BTBD8: variants seen among roughly 807,000 people sequenced by gnomAD.
BTBD8 encodes BTB/POZ domain-containing protein 8.
Under a neutral mutation model 162.9 loss-of-function variants are expected in BTBD8, and 110 were observed. That is an observed-to-expected ratio of 0.68 (90% confidence interval 0.58 to 0.79). BTBD8 has a LOEUF of 0.79. Among genes scored for constraint, BTBD8 ranks in the 30% least tolerant of loss-of-function variants. The pLI is 0.00. For synonymous variants in BTBD8, 667 were observed against 716.1 expected (o/e 0.93, Z 1.10); for missense variants, 1,905 against 2,085.4 (o/e 0.91, Z 1.68).
At chr1:92,084,608 C>G (rs1027199749) in intron 1 of BTBD8, among the ~76,000 whole-genome samples, 3 of 152,172 alleles carry the variant, frequency 2.0e-5, no homozygotes, top group African/African-American at 7.2e-5. Context: ...CCTGCTCAGT[C>G]CACCACCACT....
intron 4 of BTBD8, among the ~76,000 whole-genome samples, chr1:92,123,791 A>AG (rs1027029869): frequency 2.5e-4 from 38 of 151,436 alleles, no homozygotes; most frequent in African/African-American, 4.1e-4. Flanking sequence ...AAAAAAAAAA[A>AG]AAAAAGAAAA....
Position 92,177,440 on chromosome 1 carries a change from T to C in BTBD8, c.2247T>C (p.Asn749=). The C allele has an allele frequency of 6.4e-7, 1 of 1,551,552 alleles. No individual in the cohort carries two copies. The highest frequency in any genetic ancestry group is 2.4e-5 in the East Asian group (1 of 40,922). Residue 749 remains asparagine (N), a synonymous_variant, in exon 14 of 18, where the codon AAT becomes AAC. Coordinates refer to ENST00000636805, the MANE Select transcript of BTBD8 (RefSeq NM_001376131.1). ...AATGTCTGGATGAACCGAAAGAAAA[T>C]GGATCAACAGAAGAAGAAAAGCCTT... ...STECLDEPKE[N]GSTEEEKPSG...
intron 5 of BTBD8, among the ~76,000 whole-genome samples, chr1:92,135,904 C>T (rs1171213956): frequency 6.6e-6 from 1 of 152,046 alleles, no homozygotes; most frequent in Non-Finnish European, 1.5e-5. Flanking sequence ...AAGAATCGTT[C>T]TGGAAATTCT....
intron 7 of BTBD8, among the ~76,000 whole-genome samples, chr1:92,146,465 C>A (rs2100635975): frequency 6.6e-6 from 1 of 152,278 alleles, no homozygotes. Flanking sequence ...ACATTATCAT[C>A]CAAAATTCAT....
chr1:92,158,610 T>G (rs1650213093), intron 9 of BTBD8, among the ~76,000 whole-genome samples: 1 of 152,196 alleles, frequency 6.6e-6, no homozygotes. Context: ...TCTTTTAGCT[T>G]ATATGCAAAA....
intron 4 of BTBD8, among the ~76,000 whole-genome samples, chr1:92,111,925 G>C (rs1648907388): frequency 6.6e-6 from 1 of 152,156 alleles, no homozygotes; most frequent in African/African-American, 2.4e-5. Context: ...ACAGGGACCT[G>C]CAAGTCTAAA....
intron 13 of BTBD8, among the ~76,000 whole-genome samples, chr1:92,172,536 T>A (rs1242065950): frequency 6.6e-6 from 1 of 152,214 alleles, no homozygotes; most frequent in African/African-American, 2.4e-5. Flanking sequence ...TTAATTATGG[T>A]TAGGGTTCCT....
chr1:92,087,646 C>T (rs1648196009), intron 1 of BTBD8, among the ~76,000 whole-genome samples: 1 of 152,060 alleles, frequency 6.6e-6, no homozygotes. Flanking sequence ...AATAATGATG[C>T]AATGACAGAA....
At chr1:92,139,238 G>A in intron 5 of BTBD8, 112 bp from the exon 6 acceptor site, 4 of 1,152,280 alleles carry the variant, frequency 3.5e-6, no homozygotes, top group African/African-American at 1.6e-5. Flanking sequence ...TATTCTTCAG[G>A]TAAAAGGAAG....
intron 10 of BTBD8, 101 bp downstream of exon 10, chr1:92,167,241 T>C: frequency 1.5e-6 from 2 of 1,372,654 alleles, no homozygotes; most frequent in Non-Finnish European, 2.0e-6. Context: ...ATTAAATTAA[T>C]GTGATTTAAA....
At chr1:92,081,949 T>C (rs1308978458) in intron 1 of BTBD8, among the ~76,000 whole-genome samples, 2 of 152,118 alleles carry the variant, frequency 1.3e-5, no homozygotes, top group African/African-American at 4.8e-5. Context: ...AAACAGAATT[T>C]ATCAAAGTAA....
chr1:92,171,538 A>T (rs1324324534), intron 13 of BTBD8, 78 bp downstream of exon 13: 1 of 960,138 alleles, frequency 1.0e-6, no homozygotes, highest in Admixed American at 3.7e-5. Flanking sequence ...TATTTCAGAA[A>T]AAGTTTTAAA....
At chr1:92,176,525 A>G (rs932655791) in intron 13 of BTBD8, among the ~76,000 whole-genome samples, 14 of 152,216 alleles carry the variant, frequency 9.2e-5, no homozygotes, top group African/African-American at 3.4e-4. Context: ...CTGAATCTTT[A>G]TAGACATTAA....
At chr1:92,107,457 C>T (rs1648762890) in intron 3 of BTBD8, among the ~76,000 whole-genome samples, 1 of 152,182 alleles carries the variant, frequency 6.6e-6, no homozygotes, top group South Asian at 2.1e-4. Flanking sequence ...CATTGTGTTA[C>T]AGTTGCCAAC....
chr1:92,083,780 A>G (rs1648085935), intron 1 of BTBD8, among the ~76,000 whole-genome samples: 1 of 152,344 alleles, frequency 6.6e-6, no homozygotes, highest in Non-Finnish European at 1.5e-5. Flanking sequence ...GTCCAGGGAT[A>G]CATAATGGCA....
chr1:92,098,830 T>C (rs1357646394), intron 2 of BTBD8, among the ~76,000 whole-genome samples: 2 of 152,224 alleles, frequency 1.3e-5, no homozygotes, highest in African/African-American at 4.8e-5. Flanking sequence ...TACTAGACTC[T>C]TATCAGACAT....
At chr1:92,120,193 A>G (rs554814808) in intron 4 of BTBD8, among the ~76,000 whole-genome samples, 4 of 152,158 alleles carry the variant, frequency 2.6e-5, no homozygotes, top group South Asian at 2.1e-4. Flanking sequence ...CGCCTGGCCT[A>G]TACGCTTTTT....
Position 92,176,994 on chromosome 1 carries a change from A to T in BTBD8, c.1801A>T (p.Thr601Ser). The T allele has an allele frequency of 6.5e-7, 1 of 1,547,770 alleles. No individual in the cohort carries two copies. The highest frequency in any genetic ancestry group is 2.4e-5 in the East Asian group (1 of 40,904). Residue 601 changes from threonine (T) to serine (S), a missense_variant, in exon 14 of 18, where the codon ACT becomes TCT. By Grantham distance (58) the Thr-to-Ser change is moderately conservative (BLOSUM62 1). Around this residue, in one of 3 missense-constraint regions of BTBD8, gnomAD observed 1,374 missense variants for 1,442.7 expected, o/e 0.95. Transcript: ENST00000636805. ...TACCAATAGAAATAGTATAAATAAA[A>T]CTCTGAAGCAAGATGATGTAAAGGA... is the stretch of plus-strand genomic sequence containing the variant. ...SSTNRNSINK[T>S]LKQDDVKEKD...
chr1:92,087,623 GAC>G (rs1468721160), intron 1 of BTBD8, among the ~76,000 whole-genome samples: 1 of 152,082 alleles, frequency 6.6e-6, no homozygotes, highest in Non-Finnish European at 1.5e-5. Flanking sequence ...TGGGGAGAAA[GAC>G]ATGTAAAAAT....
Sources: allele counts gnomAD v4.1 joint callset (sites outside exome capture counted in the v4.1 genomes callset), GRCh38; gene constraint gnomAD v4.1.1; regional missense constraint gnomAD v4.1.1; transcripts MANE v1.5; gene names NCBI Gene and HGNC (gene_info 2026-07-23, HGNC 2026-07-21).